KCTD20: variants seen among roughly 807,000 people sequenced by gnomAD.
The protein encoded by KCTD20 is potassium channel tetramerization domain containing 20, also known as BTB/POZ domain-containing protein KCTD20.
A neutral mutation model predicts 39.6 loss-of-function variants in KCTD20; 30 were observed. The observed-to-expected ratio is 0.76, with a 90% confidence interval of 0.57 to 1.03. The LOEUF (loss-of-function observed/expected upper bound fraction) is 1.03, where lower values mean the gene tolerates loss of function less well. KCTD20 is among the 50% of genes least tolerant of loss of function. The probability of loss-of-function intolerance (pLI) is 0.00; values close to 1 mark genes in which losing one functional copy is unlikely to be tolerated. For synonymous variants in KCTD20, 162 were observed against 180.6 expected, an observed-to-expected ratio of 0.90 and a Z score of 0.83; for missense variants, 422 against 522.0, an observed-to-expected ratio of 0.81 and a Z score of 1.87.
intron 1 of KCTD20, among the ~76,000 whole-genome samples, chr6:36,463,790 C>G (rs1457759205): frequency 6.6e-5 from 10 of 152,076 alleles, no homozygotes. Flanking sequence ...AATTTCTGTT[C>G]TTTATGAATT....
intron 1 of KCTD20, among the ~76,000 whole-genome samples, chr6:36,465,391 T>G (rs1191935066): frequency 9.9e-5 from 15 of 151,168 alleles, no homozygotes; most frequent in East Asian, 1.9e-4. Context: ...TTTTTTGTTT[T>G]TTTTTTTTTT....
chr6:36,465,380 T>A (rs1016333280), intron 1 of KCTD20, among the ~76,000 whole-genome samples: 5 of 151,002 alleles, frequency 3.3e-5, no homozygotes, highest in Admixed American at 3.3e-4. Context: ...CCAATTAGTT[T>A]TTTTTTGTTT....
At chr6:36,477,003 C>T (rs537226136) in intron 3 of KCTD20, among the ~76,000 whole-genome samples, 1 of 152,250 alleles carries the variant, frequency 6.6e-6, no homozygotes, top group Admixed American at 6.5e-5. Context: ...TCTTGGGTGA[C>T]ACTGGTTTTT....
At chr6:36,444,551 T>C (rs1582287196) in intron 1 of KCTD20, among the ~76,000 whole-genome samples, 2 of 151,962 alleles carry the variant, frequency 1.3e-5, no homozygotes, top group South Asian at 4.1e-4. Flanking sequence ...CACTCAAGTC[T>C]CCCCATGGAA....
chr6:36,466,384 C>CTTT (rs397745312), intron 1 of KCTD20, among the ~76,000 whole-genome samples: 56 of 138,716 alleles, frequency 4.0e-4, no homozygotes, highest in Non-Finnish European at 4.5e-4. Flanking sequence ...CTTTTTTTCT[C>CTTT]TTTTTTTTTT....
intron 1 of KCTD20, among the ~76,000 whole-genome samples, chr6:36,448,276 A>G (rs1236110409): frequency 1.3e-5 from 2 of 152,120 alleles, no homozygotes; most frequent in Non-Finnish European, 2.9e-5. Context: ...AATAGGAATG[A>G]AATTTGAATT....
At chr6:36,474,318 A>C (rs897714445) in intron 2 of KCTD20, among the ~76,000 whole-genome samples, 1 of 150,092 alleles carries the variant, frequency 6.7e-6, no homozygotes, top group South Asian at 2.1e-4. Flanking sequence ...TAGTTTTGGC[A>C]CATATTAGTA....
At chr6:36,455,811 C>T (rs1045000307) in intron 1 of KCTD20, among the ~76,000 whole-genome samples, 4 of 152,130 alleles carry the variant, frequency 2.6e-5, no homozygotes, top group Admixed American at 1.3e-4. Context: ...GTGTTCTGCC[C>T]TTAAAGCAAC....
intron 1 of KCTD20, among the ~76,000 whole-genome samples, chr6:36,444,459 C>T (rs1442266135): frequency 2.0e-5 from 3 of 152,112 alleles, no homozygotes; most frequent in African/African-American, 7.2e-5. Context: ...TTAGAGATAG[C>T]CCATTAATCT....
chr6:36,482,994 G>A (rs1210230214), intron 6 of KCTD20, among the ~76,000 whole-genome samples: 2 of 149,180 alleles, frequency 1.3e-5, no homozygotes, highest in Non-Finnish European at 3.0e-5. Context: ...GCCCATGCCT[G>A]TAATCCCAGC....
In KCTD20 at chr6:36,487,196, C is replaced by A; in HGVS notation, c.*21C>A. ...ATTAGGGCCAGCTGTGGGTCTACTC[C>A]TTGTTGGAGCCCATCTCACCTGGGA... On this transcript the variant is annotated 3_prime_UTR_variant, in exon 8 of 8. Coordinates refer to ENST00000373731, the MANE Select transcript of KCTD20 (RefSeq NM_173562.5). The A allele has an allele frequency of 6.3e-7, 1 of 1,594,644 alleles. No individual in the cohort carries two copies. The highest frequency in any genetic ancestry group is 8.6e-7 in the Non-Finnish European group (1 of 1,169,194).
intron 1 of KCTD20, among the ~76,000 whole-genome samples, chr6:36,460,525 G>C (rs565802877): frequency 6.6e-6 from 1 of 152,080 alleles, no homozygotes; most frequent in South Asian, 2.1e-4. Flanking sequence ...GGCTGGTTTC[G>C]AACTGCTGAC....
rs747515701 is a variant in KCTD20, at chr6:36,470,217, T to G, written c.120T>G (p.Gly40=). ...EKEANSLASS[G]PHNLTYPLGP... ...AAGCAAACAGCCTGGCTTCATCTGG[T>G]CCTCATAATCTTACTTATCCTCTAG... Residue 40 remains glycine (G), a synonymous_variant, in exon 2 of 8, where the codon GGT becomes GGG. Transcript: ENST00000373731. 2 of 1,613,876 alleles carry G rather than the reference T, an allele frequency of 1.2e-6. No homozygotes were observed. Among genetic ancestry groups the G allele is most frequent in the South Asian group, 2.2e-5 (2 of 91,032 alleles).
intron 1 of KCTD20, among the ~76,000 whole-genome samples, chr6:36,449,138 C>A (rs745437086): frequency 1.1e-4 from 17 of 152,180 alleles, no homozygotes; most frequent in Admixed American, 5.2e-4. Context: ...GCTGCTGCTG[C>A]TGGCTCAGGT....
At chr6:36,449,387 CTGAT>C (rs1033567630) in intron 1 of KCTD20, among the ~76,000 whole-genome samples, 4 of 151,810 alleles carry the variant, frequency 2.6e-5, no homozygotes, top group East Asian at 1.9e-4. Context: ...ACACAGAGCG[CTGAT>C]TGATAGACAC....
chr6:36,454,675 G>T (rs1488472438), intron 1 of KCTD20, among the ~76,000 whole-genome samples: 11 of 143,252 alleles, frequency 7.7e-5, no homozygotes, highest in Admixed American at 1.4e-4. Context: ...GTCTTGCTCT[G>T]TTCCGCAGGC....
At position 36,489,073 on chromosome 6, in the gene KCTD20, C is replaced by A. The variant is rs1024574424; in HGVS notation, c.*1898C>A. 1 of 152,634 alleles carries A rather than the reference C, an allele frequency of 6.6e-6. No individual in the cohort carries two copies. Among genetic ancestry groups the A allele is most frequent in the Non-Finnish European group, 1.5e-5 (1 of 68,034 alleles). The allele number at this position is 152,634 out of a possible 1,614,324, so 9.5% of individuals were successfully genotyped here. On this transcript the variant is annotated 3_prime_UTR_variant, in exon 8 of 8. Coordinates refer to ENST00000373731, the MANE Select transcript of KCTD20 (RefSeq NM_173562.5). ...TTACCAGTACATTTATACCCACTAC[C>A]AGTTGACTAGCCCAGATAATTGTTA...
intron 1 of KCTD20, among the ~76,000 whole-genome samples, chr6:36,458,663 G>A (rs1357366635): frequency 2.0e-5 from 3 of 151,664 alleles, no homozygotes; most frequent in Non-Finnish European, 4.4e-5. Flanking sequence ...GATTACAGGC[G>A]TGAGCCACTG....
At chr6:36,468,948 AT>A (rs1467144098) in intron 1 of KCTD20, among the ~76,000 whole-genome samples, 1 of 152,210 alleles carries the variant, frequency 6.6e-6, no homozygotes, top group East Asian at 1.9e-4. Flanking sequence ...AAACTGATCA[AT>A]TTTATGCTAA....
Sources: allele counts gnomAD v4.1 joint callset (sites outside exome capture counted in the v4.1 genomes callset), GRCh38; gene constraint gnomAD v4.1.1; transcripts MANE v1.5; gene names NCBI Gene and HGNC (gene_info 2026-07-23, HGNC 2026-07-21).